SEC24B: variants seen among roughly 807,000 people sequenced by gnomAD.
SEC24B encodes SEC24 homolog B, COPII component.
A neutral mutation model predicts 142.8 loss-of-function variants in SEC24B; 45 were observed. That is an observed-to-expected ratio of 0.32 (90% CI 0.25 to 0.40). The LOEUF (loss-of-function observed/expected upper bound fraction) is 0.40, where lower values mean the gene tolerates loss of function less well. SEC24B is among the 10% of genes least tolerant of loss of function. The pLI is 1.00. For synonymous variants in SEC24B, 574 were observed against 568.2 expected (o/e 1.01, Z -0.15); for missense variants, 1,409 against 1,526.8 (o/e 0.92, Z 1.29).
At chr4:109,468,199 T>A (rs1239653237) in intron 2 of SEC24B, among the ~76,000 whole-genome samples, 2 of 152,276 alleles carry the variant, frequency 1.3e-5, no homozygotes, top group African/African-American at 2.4e-5. Flanking sequence ...TTTTTAGTTT[T>A]GGAAACTTGT....
rs1554001100 is a variant in SEC24B at position 109,482,979 on chromosome 4, T to TACATAC, written c.1165+1201_1165+1202insTACACA. 1.5e-4 allele frequency among the ~76,000 whole-genome samples: 4 copies of TACATAC among 26,406 alleles called. 1 individual carries two copies. Among genetic ancestry groups the TACATAC allele is most frequent in the Non-Finnish European group, 2.3e-4 (3 of 13,320 alleles). The allele number at this position is 26,406 out of a possible 152,430, so 17.3% of individuals were successfully genotyped here. On this transcript the variant is annotated intron_variant, in intron 4 of 23. Transcript: ENST00000265175. ...ATATATATATATATATATATATATA[T>TACATAC]ACACACACACACACACACACACACA...
At chr4:109,462,863 A>T (rs559673448) in intron 1 of SEC24B, 38 bp from the exon 2 acceptor site, 6 of 1,450,714 alleles carry the variant, frequency 4.1e-6, no homozygotes, top group Admixed American at 4.4e-5. Context: ...AAAATTAGTT[A>T]TCTCTTTACA....
chr4:109,538,624 A>G (rs1725817873), intron 23 of SEC24B, 28 bp downstream of exon 23: 1 of 1,411,080 alleles, frequency 7.1e-7, no homozygotes, highest in South Asian at 1.2e-5. Context: ...TTAATTATGA[A>G]GTTGTCTTTC....
At chr4:109,518,348 C>G (rs929732794) in intron 11 of SEC24B, among the ~76,000 whole-genome samples, 2 of 152,188 alleles carry the variant, frequency 1.3e-5, no homozygotes, top group Non-Finnish European at 1.5e-5. Flanking sequence ...CCAACACCCA[C>G]AAGAGATGTG....
intron 7 of SEC24B, among the ~76,000 whole-genome samples, chr4:109,509,225 G>A (rs1045909561): frequency 5.9e-5 from 9 of 152,148 alleles, no homozygotes; most frequent in African/African-American, 2.2e-4. Flanking sequence ...CAAGCTTTTT[G>A]TGTTCAAGGA....
rs757825335 is a variant in SEC24B, at chr4:109,526,319, T to C, written c.2885T>C (p.Val962Ala). The change falls in exon 17 of 24, where the codon GTG becomes GCG. Residue 962 changes from valine (V) to alanine (A), a missense_variant. Physicochemically the swap from Val to Ala is moderately conservative, Grantham distance 64 (BLOSUM62 0). Transcript: ENST00000265175. ...ANINPDAGFAVQLSIEESLTD... is the reference protein window; with the variant it reads ...ANINPDAGFAAQLSIEESLTD... ...ATCAATCCTGATGCTGGATTTGCGG[T>C]GCAGTTGTCAATTGAAGAAAGTTTA... The C allele has an allele frequency of 6.2e-7, 1 of 1,614,064 alleles. No homozygotes were observed. The highest frequency in any genetic ancestry group is 2.2e-5 in the East Asian group (1 of 44,850).
At chr4:109,440,157 A>G (rs1281938107) in intron 1 of SEC24B, among the ~76,000 whole-genome samples, 2 of 151,584 alleles carry the variant, frequency 1.3e-5, no homozygotes, top group African/African-American at 4.8e-5. Flanking sequence ...TTCACTCCAT[A>G]TGTAAACAAG....
chr4:109,499,782 T>C (rs748163228), intron 6 of SEC24B, among the ~76,000 whole-genome samples: 5 of 152,224 alleles, frequency 3.3e-5, no homozygotes, highest in Admixed American at 6.5e-5. Flanking sequence ...TAATACTTGA[T>C]AATGAAAATA....
At chr4:109,475,403 A>G (rs915863029) in intron 3 of SEC24B, among the ~76,000 whole-genome samples, 2 of 152,194 alleles carry the variant, frequency 1.3e-5, no homozygotes, top group African/African-American at 4.8e-5. Flanking sequence ...ATGAACTACT[A>G]AAGTGATTAT....
chr4:109,466,826 A>G (rs1261836746), intron 2 of SEC24B, among the ~76,000 whole-genome samples: 3 of 152,242 alleles, frequency 2.0e-5, no homozygotes, highest in Non-Finnish European at 2.9e-5. Context: ...CATTTTATAG[A>G]GTTGGAGATG....
chr4:109,512,446 G>GTA (rs1411152298), intron 9 of SEC24B, among the ~76,000 whole-genome samples: 1 of 152,178 alleles, frequency 6.6e-6, no homozygotes, highest in Non-Finnish European at 1.5e-5. Context: ...ATGCATGCAT[G>GTA]TATATATGTC....
At chr4:109,479,777 C>T (rs1440978246) in intron 3 of SEC24B, among the ~76,000 whole-genome samples, 2 of 152,036 alleles carry the variant, frequency 1.3e-5, no homozygotes, top group Admixed American at 6.6e-5. Flanking sequence ...AAGAATGTGC[C>T]ACTCTGAATT....
intron 2 of SEC24B, among the ~76,000 whole-genome samples, chr4:109,469,686 CTT>C (rs1732317377): frequency 6.6e-6 from 1 of 152,168 alleles, no homozygotes; most frequent in African/African-American, 2.4e-5. Flanking sequence ...AAAGGCAAAA[CTT>C]TAAAACTTCT....
intron 22 of SEC24B, among the ~76,000 whole-genome samples, chr4:109,534,462 C>T (rs1169851356): frequency 6.6e-6 from 1 of 151,990 alleles, no homozygotes; most frequent in African/African-American, 2.4e-5. Flanking sequence ...TGGCGGGCGC[C>T]TGTAGTCCCA....
At chr4:109,514,356 A>G (rs1424396092) in intron 10 of SEC24B, among the ~76,000 whole-genome samples, 1 of 152,142 alleles carries the variant, frequency 6.6e-6, no homozygotes, top group Non-Finnish European at 1.5e-5. Context: ...TACTGGCCCT[A>G]AGGTTTGCTC....
chr4:109,491,958 T>C (rs1028391840), intron 5 of SEC24B, among the ~76,000 whole-genome samples: 5 of 152,148 alleles, frequency 3.3e-5, no homozygotes, highest in African/African-American at 7.2e-5. Context: ...CATTTTAATA[T>C]ACTGTGATTT....
chr4:109,469,880 T>A (rs1732338978), intron 2 of SEC24B, among the ~76,000 whole-genome samples: 1 of 152,214 alleles, frequency 6.6e-6, no homozygotes, highest in Non-Finnish European at 1.5e-5. Flanking sequence ...GGAAAAAATG[T>A]ATATGCTTAC....
intron 10 of SEC24B, among the ~76,000 whole-genome samples, chr4:109,516,102 C>T (rs1020527866): frequency 3.9e-5 from 6 of 152,220 alleles, no homozygotes; most frequent in African/African-American, 1.4e-4. Context: ...TTACACATAG[C>T]ACTTAAACAT....
chr4:109,499,671 G>C (rs1244268726), intron 6 of SEC24B, among the ~76,000 whole-genome samples: 1 of 152,190 alleles, frequency 6.6e-6, no homozygotes, highest in African/African-American at 2.4e-5. Flanking sequence ...TAATGTCATA[G>C]CACAGTGCAT....
Sources: gnomAD v4.1 joint callset for allele counts (sites outside exome capture counted in the v4.1 genomes callset) on GRCh38, gnomAD v4.1.1 for gene constraint, MANE v1.5 for transcripts, NCBI Gene and HGNC (gene_info 2026-07-23, HGNC 2026-07-21) for gene names.